Variants in RGS6 observed in about 807,000 individuals in gnomAD.
RGS6 encodes regulator of G protein signaling 6.
RGS6 carries 30 observed loss-of-function variants against 78.5 expected under a neutral mutation model. The observed-to-expected ratio is 0.38, with a 90% CI of 0.29 to 0.52. The LOEUF is 0.52. Ranked by LOEUF, RGS6 falls within the 20% of genes least tolerant of loss-of-function variation. The pLI, the probability that RGS6 is intolerant of heterozygous loss-of-function variation, is 0.85. For synonymous variants in RGS6, 206 were observed against 206.0 expected (o/e 1.00, Z 0.00); for missense variants, 495 against 609.7 (o/e 0.81, Z 1.98).
At chr14:72,595,750 T>C in the RGS6 span, among the ~76,000 whole-genome samples, 1 of 152,380 alleles carries the variant, frequency 6.6e-6, no homozygotes, top group Middle Eastern at 3.4e-3. Context: ...ACTCTGGTAT[T>C]TAGCATGGTG....
At chr14:72,618,163 G>A in the RGS6 span, among the ~76,000 whole-genome samples, 46 of 152,204 alleles carry the variant, frequency 3.0e-4, 1 homozygote, top group East Asian at 8.7e-3. Flanking sequence ...CGTGAATAAT[G>A]ACCATGTCAC....
intron 14 of RGS6, chr14:72,515,926 G>A (rs2096936673): frequency 6.6e-6 from 1 of 152,392 alleles, no homozygotes; most frequent in South Asian, 2.1e-4. Context: ...AAATCACCCA[G>A]GTGTCATCCA....
chr14:71,969,897 A>G (rs1161662210), intron 2 of RGS6, among the ~76,000 whole-genome samples: 3 of 152,188 alleles, frequency 2.0e-5, no homozygotes, highest in African/African-American at 4.8e-5. Flanking sequence ...TATCAAAACA[A>G]TGTTGTGAGA....
Position 72,011,066 on chromosome 14 carries a change from C to T in RGS6, c.84+46191C>T, listed in dbSNP as rs562728749. Among the ~76,000 whole-genome samples, 8 of 152,316 alleles carry T rather than the reference C, an allele frequency of 5.3e-5. 1 individual carries two copies. The South Asian group carries it at 1.7e-3, about 32-fold the overall frequency. On this transcript the variant is annotated intron_variant, in intron 2 of 17. Transcript: ENST00000553525. ...TATTCTAAAATTGCAAATAAAGCTA[C>T]TTGAGCTCCTGAAAGTAAATTTGTT...
intron 3 of RGS6, among the ~76,000 whole-genome samples, chr14:72,437,659 T>C (rs1178792941): frequency 1.3e-5 from 2 of 152,216 alleles, no homozygotes. Flanking sequence ...TTGGGAACAT[T>C]CTTAGCGTGT....
intron 9 of RGS6, chr14:72,473,990 A>C (rs774701066): frequency 6.6e-6 from 1 of 152,248 alleles, no homozygotes; most frequent in Non-Finnish European, 1.5e-5. Flanking sequence ...GTTGGCACTA[A>C]ATTAGCCCTA....
At chr14:71,893,293 T>C in the RGS6 span, among the ~76,000 whole-genome samples, 6 of 152,198 alleles carry the variant, frequency 3.9e-5, no homozygotes, top group Non-Finnish European at 2.9e-5. Context: ...AATGTGTGGA[T>C]TTGCTTAAAA....
chr14:72,267,437 T>C (rs1264520188), intron 2 of RGS6, among the ~76,000 whole-genome samples: 4 of 152,198 alleles, frequency 2.6e-5, no homozygotes, highest in Admixed American at 6.5e-5. Context: ...GGTTGAGTAG[T>C]TGTGACAGCA....
At chr14:72,544,644 T>G (rs1399222797) in intron 17 of RGS6, among the ~76,000 whole-genome samples, 1 of 152,184 alleles carries the variant, frequency 6.6e-6, no homozygotes, top group African/African-American at 2.4e-5. Context: ...GTGGCATCTC[T>G]GCGACAGGCT....
intron 2 of RGS6, among the ~76,000 whole-genome samples, chr14:72,015,121 A>T (rs2086674488): frequency 6.6e-6 from 1 of 152,238 alleles, no homozygotes; most frequent in Non-Finnish European, 1.5e-5. Flanking sequence ...TACAGGAAGC[A>T]TGGTGCCAGC....
chr14:72,079,660 A>T (rs1344431105), intron 2 of RGS6, among the ~76,000 whole-genome samples: 1 of 152,016 alleles, frequency 6.6e-6, no homozygotes, highest in East Asian at 1.9e-4. Flanking sequence ...CCTCACTGAA[A>T]TTTTTTGTCC....
chr14:72,303,546 G>T (rs4903008), intron 2 of RGS6, among the ~76,000 whole-genome samples: 19,295 of 152,090 alleles, frequency 0.13, 1,714 homozygotes, highest in East Asian at 0.31. Context: ...GCTTCCCTTA[G>T]ATTCCCCCAT....
chr14:72,196,903 T>C (rs2040303387), intron 2 of RGS6, among the ~76,000 whole-genome samples: 1 of 152,214 alleles, frequency 6.6e-6, no homozygotes, highest in Non-Finnish European at 1.5e-5. Context: ...TGGGCAAATG[T>C]TTTTGAGATC....
chr14:72,361,163 A>G (rs1338676880), intron 3 of RGS6, among the ~76,000 whole-genome samples: 1 of 149,256 alleles, frequency 6.7e-6, no homozygotes, highest in East Asian at 2.0e-4. Context: ...TAATACAGTG[A>G]CCTTCTTAGG....
At chr14:71,936,939 C>T (rs772350186) in intron 1 of RGS6, among the ~76,000 whole-genome samples, 2 of 152,168 alleles carry the variant, frequency 1.3e-5, no homozygotes, top group Admixed American at 6.5e-5. Context: ...GTTCTTTTCC[C>T]TGGTGGAGTG....
the RGS6 span, among the ~76,000 whole-genome samples, chr14:71,905,922 A>G: frequency 6.6e-6 from 1 of 152,194 alleles, no homozygotes; most frequent in African/African-American, 2.4e-5. Context: ...GATTTCCTCA[A>G]ATTTGACAGG....
chr14:72,426,872 G>A (rs2094453700), intron 3 of RGS6, among the ~76,000 whole-genome samples: 1 of 152,194 alleles, frequency 6.6e-6, no homozygotes, highest in South Asian at 2.1e-4. Flanking sequence ...ATCCCAAAAG[G>A]TGGAACAGAA....
the RGS6 span, among the ~76,000 whole-genome samples, chr14:72,593,041 C>G: frequency 2.0e-5 from 3 of 152,120 alleles, no homozygotes; most frequent in Admixed American, 2.0e-4. Flanking sequence ...CAAAGAAAAG[C>G]TGAGATGATT....
At position 72,458,293 on chromosome 14, in the gene RGS6, C is replaced by A. The variant is rs140657641; in HGVS notation, c.258C>A (p.Ser86Arg). Reference protein sequence around the residue: ...EDPVEAIHLGSLIAAQGYIFP... With the variant: ...EDPVEAIHLGRLIAAQGYIFP... Reference sequence around the variant, plus strand: ...CAGTTGAAGCAATACACTTGGGGAGCCTTATCGCTGCCCAGGGCTACATCT... The same window carrying A: ...CAGTTGAAGCAATACACTTGGGGAGACTTATCGCTGCCCAGGGCTACATCT... Residue 86 changes from serine to arginine, a missense_variant, in exon 5 of 18, where the codon AGC (serine) becomes AGA (arginine). Ser to Arg is a moderately radical substitution (Grantham distance 110, BLOSUM62 -1). Transcript: ENST00000553525. 2.9e-5 allele frequency: 46 copies of A among 1,613,740 alleles called. No homozygotes were observed. The highest frequency in any genetic ancestry group is 1.6e-4 in the Middle Eastern group (1 of 6,084).
Sources: gnomAD v4.1 joint callset for allele counts (sites outside exome capture counted in the v4.1 genomes callset) on GRCh38, gnomAD v4.1.1 for gene constraint, MANE v1.5 for transcripts, NCBI Gene and HGNC (gene_info 2026-07-23, HGNC 2026-07-21) for gene names.